ARHGEF38: variants seen among roughly 807,000 people sequenced by gnomAD.
ARHGEF38 encodes the protein Rho guanine nucleotide exchange factor 38.
ARHGEF38 carries 79 observed loss-of-function variants against 79.9 expected under a neutral mutation model. The observed-to-expected ratio is 0.99, with a 90% CI of 0.82 to 1.19. The LOEUF (loss-of-function observed/expected upper bound fraction) is 1.19. Ranked by LOEUF, ARHGEF38 falls within the 50% of genes most tolerant of loss-of-function variation. The pLI is 0.00. For missense variants in ARHGEF38, 962 were observed against 907.2 expected, an observed-to-expected ratio of 1.06 and a Z score of -0.78; for synonymous variants, 366 against 328.3, an observed-to-expected ratio of 1.11 and a Z score of -1.24.
chr4:105,648,540 C>A lies in ARHGEF38; in HGVS notation c.875-9C>A. The A allele has an allele frequency of 6.7e-7, 1 of 1,496,714 alleles. No homozygotes were observed. The highest frequency in any genetic ancestry group is 8.8e-7 in the Non-Finnish European group (1 of 1,130,104). The allele number at this position is 1,496,714 out of a possible 1,614,324, so 92.7% of individuals were successfully genotyped here. On this transcript the variant is annotated splice_polypyrimidine_tract_variant and intron_variant, in intron 6 of 13. Transcript: ENST00000420470. ...TGTTCAGCTACGTTATTACATTCTT[C>A]CTTTTCAGTTCTAAAATACAAGAAG...
rs1355939556 is a variant in ARHGEF38 at position 105,645,255 on chromosome 4, C to A, written c.742C>A (p.Pro248Thr). ...ACCAATTCAACGTGTGATGAAATACCCCCTATTACTGTGCGAACTTCGGAA... is the reference window on the plus strand; with the variant it reads ...ACCAATTCAACGTGTGATGAAATACACCCTATTACTGTGCGAACTTCGGAA... ...IKPIQRVMKYPLLLCELRNST... is the reference protein window; with the variant it reads ...IKPIQRVMKYTLLLCELRNST... The change falls in exon 6 of 14, where the codon CCC becomes ACC. Residue 248 changes from proline to threonine, a missense_variant. Pro to Thr is a conservative substitution (Grantham distance 38, BLOSUM62 -1). Coordinates refer to ENST00000420470, the MANE Select transcript of ARHGEF38 (RefSeq NM_001242729.2). The A allele has an allele frequency of 6.5e-7, 1 of 1,535,040 alleles. No individual in the cohort carries two copies. Among genetic ancestry groups the A allele is most frequent in the Admixed American group, 2.0e-5 (1 of 50,736 alleles).
At chr4:105,588,182 C>A (rs2110454371) in intron 1 of ARHGEF38, among the ~76,000 whole-genome samples, 1 of 152,284 alleles carries the variant, frequency 6.6e-6, no homozygotes, top group South Asian at 2.1e-4. Context: ...ACATTGTGAC[C>A]TGTACATTTA....
intron 1 of ARHGEF38, among the ~76,000 whole-genome samples, chr4:105,582,370 A>T (rs1234899700): frequency 6.6e-6 from 1 of 151,058 alleles, no homozygotes; most frequent in Non-Finnish European, 1.5e-5. Context: ...TTGTATATGA[A>T]TTTAAGCCTA....
chr4:105,618,311 A>G (rs76378534), intron 3 of ARHGEF38, among the ~76,000 whole-genome samples: 1,577 of 152,308 alleles, frequency 0.01, 25 homozygotes, highest in African/African-American at 0.036. Flanking sequence ...GAGAAAGGAC[A>G]GCTGTCCATT....
intron 1 of ARHGEF38, among the ~76,000 whole-genome samples, chr4:105,574,348 C>T (rs2110428128): frequency 6.6e-6 from 1 of 152,098 alleles, no homozygotes; most frequent in Non-Finnish European, 1.5e-5. Context: ...GAGTTCAAGA[C>T]CAGCCTGACC....
At chr4:105,628,734 CAT>C (rs1729059132) in intron 3 of ARHGEF38, among the ~76,000 whole-genome samples, 1 of 152,146 alleles carries the variant, frequency 6.6e-6, no homozygotes, top group South Asian at 2.1e-4. Context: ...CACACACTCA[CAT>C]GTGTGCACAT....
At chr4:105,630,812 A>T (rs1729152706) in intron 3 of ARHGEF38, 86 bp from the exon 4 acceptor site, 1 of 1,233,236 alleles carries the variant, frequency 8.1e-7, no homozygotes, top group African/African-American at 1.5e-5. Context: ...CAAGTTTTTG[A>T]CACGAGTCGA....
chr4:105,655,751 C>T, intron 9 of ARHGEF38, 29 bp downstream of exon 9: 1 of 1,524,612 alleles, frequency 6.6e-7, no homozygotes, highest in Non-Finnish European at 8.8e-7. Flanking sequence ...CAGATAAATG[C>T]AAATTAAATA....
rs1398140793 is a variant in ARHGEF38, at chr4:105,648,638, A to C, written c.964A>C (p.Arg322=). 1 of 1,533,562 alleles carries C rather than the reference A, an allele frequency of 6.5e-7. No individual in the cohort carries two copies. Among genetic ancestry groups the C allele is most frequent in the African/African-American group, 1.4e-5 (1 of 72,948 alleles). 95.0% of individuals were successfully genotyped at this position (1,533,562 alleles called of 1,614,324 possible). ...TCATTCAATTAGCAAGAAATCAAAAAGAGTGACAAATCATCTGAAGATTCT... is the reference window on the plus strand; with the variant it reads ...TCATTCAATTAGCAAGAAATCAAAACGAGTGACAAATCATCTGAAGATTCT... ...NIHSISKKSK[R]VTNHLKILTR... is the part of the protein sequence containing the mutation. The change falls in exon 7 of 14, where the codon AGA becomes CGA. Residue 322 remains arginine (R), a synonymous_variant. Coordinates refer to ENST00000420470, the MANE Select transcript of ARHGEF38 (RefSeq NM_001242729.2).
intron 1 of ARHGEF38, among the ~76,000 whole-genome samples, chr4:105,579,682 C>T (rs1049870951): frequency 3.3e-5 from 5 of 152,120 alleles, no homozygotes; most frequent in Admixed American, 1.3e-4. Context: ...GGATATTGGC[C>T]TGAAGTTTTC....
At chr4:105,605,911 G>GAGTCTCCACTTCTC (rs1728017768) in intron 2 of ARHGEF38, among the ~76,000 whole-genome samples, 1 of 152,226 alleles carries the variant, frequency 6.6e-6, no homozygotes, top group South Asian at 2.1e-4. Flanking sequence ...TGTCCCCAGT[G>GAGTCTCCACTTCTC]AGTCTCCACT....
rs547424272 is a variant in ARHGEF38 at position 105,667,560 on chromosome 4, G to A, written c.2005G>A (p.Val669Met). 4.9e-5 allele frequency: 76 copies of A among 1,536,700 alleles called. 1 individual carries two copies. The South Asian group carries it at 5.2e-4, about 11-fold the overall frequency. ...DDDFENISLFVSSRPASDSVT... is the reference protein window; with the variant it reads ...DDDFENISLFMSSRPASDSVT... ...TGATTTTGAGAACATCAGCCTCTTC[G>A]TGTCTTCACGGCCAGCTAGTGACAG... The change falls in exon 13 of 14, where the codon GTG becomes ATG. Residue 669 changes from valine to methionine, a missense_variant. Physicochemically the swap from Val to Met is conservative, Grantham distance 21 (BLOSUM62 1). Transcript: ENST00000420470.
At chr4:105,628,478 G>A (rs534138318) in intron 3 of ARHGEF38, among the ~76,000 whole-genome samples, 22 of 152,186 alleles carry the variant, frequency 1.4e-4, no homozygotes, top group Admixed American at 3.9e-4. Flanking sequence ...GTTCTATTTT[G>A]TTTTCTTTCC....
In ARHGEF38 at chr4:105,674,999, A is replaced by G. The variant is rs188751274; in HGVS notation, c.2149-2753A>G. On this transcript the variant is annotated intron_variant, in intron 13 of 13. Transcript: ENST00000420470. ...ACCAACCACTAATGCAGGCTCTTAC[A>G]GATGTTTCAGATGTATTATAGTACG... Among the ~76,000 whole-genome samples the G allele has an allele frequency of 2.8e-4, 43 of 152,308 alleles. No individual in the cohort carries two copies. In the East Asian group the frequency reaches 8.1e-3, roughly 29 times the overall value.
At chr4:105,574,465 G>A (rs972032465) in intron 1 of ARHGEF38, among the ~76,000 whole-genome samples, 3 of 151,008 alleles carry the variant, frequency 2.0e-5, no homozygotes, top group Admixed American at 1.3e-4. Flanking sequence ...CAGGAAAATC[G>A]CTTGACCCCA....
At chr4:105,583,465 A>G (rs1726891375) in intron 1 of ARHGEF38, among the ~76,000 whole-genome samples, 1 of 152,038 alleles carries the variant, frequency 6.6e-6, no homozygotes, top group South Asian at 2.1e-4. Flanking sequence ...AAGGTTTTCC[A>G]CTGACCAGTT....
At chr4:105,670,390 G>C (rs911827632) in intron 13 of ARHGEF38, among the ~76,000 whole-genome samples, 3 of 152,016 alleles carry the variant, frequency 2.0e-5, no homozygotes, top group African/African-American at 7.2e-5. Flanking sequence ...AATGATTAAT[G>C]CTATTGAACA....
rs545210075 is a variant in ARHGEF38, at chr4:105,678,816, GT to G, written c.*894del. 0.16 allele frequency: 20,107 copies of G among 128,874 alleles called. 1,979 individuals are homozygous for G. The highest frequency in any genetic ancestry group is 0.31 in the African/African-American group (11,259 of 36,690). The allele number at this position is 128,874 out of a possible 1,614,324, so 8.0% of individuals were successfully genotyped here. On this transcript the variant is annotated 3_prime_UTR_variant, in exon 14 of 14. Transcript: ENST00000420470. ...GGGCTTTTTTCTTTCTTTTCTTGTT[GT>G]TTTTTTTTTTTTTTAAAGAGACAAT...
chr4:105,552,829 T>A lies in ARHGEF38; in HGVS notation c.64T>A (p.Leu22Met), dbSNP rs755727014. 1 of 1,613,406 alleles carries A rather than the reference T, an allele frequency of 6.2e-7. No homozygotes were observed. Among genetic ancestry groups the A allele is most frequent in the Non-Finnish European group, 8.5e-7 (1 of 1,179,720 alleles). ...MVTKKKNLAF[L>M]RSRLYMLERR... is the part of the protein sequence containing the mutation. ...CACCAAGAAAAAGAATCTGGCCTTC[T>A]TGAGGTCTAGACTCTATATGCTGGA... Residue 22 changes from leucine to methionine, a missense_variant, in exon 1 of 14, where the codon TTG becomes ATG. Transcript: ENST00000420470.
Sources: allele counts gnomAD v4.1 joint callset (sites outside exome capture counted in the v4.1 genomes callset), GRCh38; gene constraint gnomAD v4.1.1; transcripts MANE v1.5; gene names NCBI Gene and HGNC (gene_info 2026-07-23, HGNC 2026-07-21).